Variants in FBXL17 observed in about 807,000 individuals in gnomAD.
FBXL17 encodes F-box and leucine rich repeat protein 17, also known as F-box/LRR-repeat protein 17.
FBXL17 carries 22 observed loss-of-function variants against 66.2 expected under a neutral mutation model. The observed-to-expected ratio is 0.33, with a 90% CI of 0.24 to 0.47. The LOEUF is 0.47. Among genes scored for constraint, FBXL17 ranks in the 20% least tolerant of loss-of-function variants. FBXL17 has a pLI of 1.00. For missense variants in FBXL17, 878 were observed against 948.2 expected, an observed-to-expected ratio of 0.93 and a Z score of 0.97; for synonymous variants, 474 against 400.5, an observed-to-expected ratio of 1.18 and a Z score of -2.19.
intron 3 of FBXL17, among the ~76,000 whole-genome samples, chr5:108,363,884 C>A (rs1484885303): frequency 2.0e-5 from 3 of 151,842 alleles, no homozygotes; most frequent in African/African-American, 7.2e-5. Context: ...ATATATATTT[C>A]TTCATAAAAG....
intron 4 of FBXL17, among the ~76,000 whole-genome samples, chr5:108,290,998 C>A (rs778648368): frequency 6.6e-6 from 1 of 152,096 alleles, no homozygotes; most frequent in African/African-American, 2.4e-5. Context: ...GAAGTTCATA[C>A]CACATATGCA....
intron 7 of FBXL17, among the ~76,000 whole-genome samples, chr5:107,994,548 A>G (rs1195956373): frequency 6.6e-6 from 1 of 152,132 alleles, no homozygotes; most frequent in Non-Finnish European, 1.5e-5. Flanking sequence ...ATACTATCAA[A>G]CCTATACAAG....
At chr5:108,133,745 C>A (rs1204303829) in intron 6 of FBXL17, among the ~76,000 whole-genome samples, 4 of 152,110 alleles carry the variant, frequency 2.6e-5, no homozygotes, top group Non-Finnish European at 5.9e-5. Flanking sequence ...GCTTTGGAGT[C>A]AAATATCTCA....
At chr5:108,266,607 G>A (rs1424718373) in intron 4 of FBXL17, among the ~76,000 whole-genome samples, 1 of 152,180 alleles carries the variant, frequency 6.6e-6, no homozygotes, top group South Asian at 2.1e-4. Context: ...AAGCCATAAC[G>A]TGCTTCCTTT....
At chr5:107,876,144 C>T (rs1239152092) in intron 8 of FBXL17, among the ~76,000 whole-genome samples, 1 of 152,224 alleles carries the variant, frequency 6.6e-6, no homozygotes, top group Non-Finnish European at 1.5e-5. Context: ...GAAGGGTAGC[C>T]ATCTGCTCCG....
chr5:108,217,067 T>C (rs1754635245), intron 5 of FBXL17, among the ~76,000 whole-genome samples: 1 of 152,092 alleles, frequency 6.6e-6, no homozygotes, highest in Non-Finnish European at 1.5e-5. Flanking sequence ...CTATGAATCA[T>C]CACCTCAGCC....
intron 7 of FBXL17, among the ~76,000 whole-genome samples, chr5:107,983,759 C>G (rs1209945467): frequency 6.6e-6 from 1 of 152,062 alleles, no homozygotes; most frequent in Non-Finnish European, 1.5e-5. Context: ...TTGCTGTATT[C>G]CCCAAATTAT....
At chr5:108,109,155 A>G (rs976682210) in intron 6 of FBXL17, among the ~76,000 whole-genome samples, 1 of 152,194 alleles carries the variant, frequency 6.6e-6, no homozygotes, top group Admixed American at 6.5e-5. Flanking sequence ...GAGATTTACA[A>G]AAGGAAGGAC....
At chr5:107,960,716 A>C (rs540121085) in intron 7 of FBXL17, among the ~76,000 whole-genome samples, 1 of 152,322 alleles carries the variant, frequency 6.6e-6, no homozygotes, top group South Asian at 2.1e-4. Flanking sequence ...CCAGCAATCC[A>C]TTGTTCTTGG....
At chr5:108,279,778 G>A (rs1413580215) in intron 4 of FBXL17, among the ~76,000 whole-genome samples, 1 of 151,106 alleles carries the variant, frequency 6.6e-6, no homozygotes, top group East Asian at 1.9e-4. Context: ...TATCTTTGGG[G>A]GAAAAAAGCA....
chr5:107,973,354 A>ATTTTTTTTTTTTTTTTTTTT (rs200079422), intron 7 of FBXL17, among the ~76,000 whole-genome samples: 5 of 120,436 alleles, frequency 4.2e-5, no homozygotes, highest in Admixed American at 8.3e-5. Context: ...TTTTTTTGTA[A>ATTTTTTTTTTTTTTTTTTTT]TTTTTTTTTT....
intron 6 of FBXL17, among the ~76,000 whole-genome samples, chr5:108,037,119 CAT>C (rs33962281): frequency 0.018 from 2,686 of 152,132 alleles, 91 homozygotes; most frequent in African/African-American, 0.061. Context: ...TCTCAGTAAA[CAT>C]ATCTCCTATG....
rs144335540 is a variant in FBXL17 at position 107,975,782 on chromosome 5, TA to T, written c.1822+45142del. Reference sequence around the variant, plus strand: ...AAAGAAAAAAAGGATGCATGGAATCTAAACCAATCTACATGTAAATTTGACA... The same window carrying T: ...AAAGAAAAAAAGGATGCATGGAATCTAACCAATCTACATGTAAATTTGACA... On this transcript the variant is annotated intron_variant, in intron 7 of 8. Coordinates refer to ENST00000542267, the MANE Select transcript of FBXL17 (RefSeq NM_001163315.3). 6.1e-3 allele frequency among the ~76,000 whole-genome samples: 917 copies of T among 151,516 alleles called. 27 individuals carry two copies. In the East Asian group the frequency reaches 0.1, roughly 17 times the overall value.
intron 6 of FBXL17, among the ~76,000 whole-genome samples, chr5:108,158,498 T>C (rs1296355668): frequency 8.9e-6 from 1 of 111,780 alleles, no homozygotes; most frequent in Non-Finnish European, 1.9e-5. Flanking sequence ...GTGGGGCGTG[T>C]GTGTGTGTGT....
At chr5:108,131,599 A>C (rs1485016099) in intron 6 of FBXL17, among the ~76,000 whole-genome samples, 1 of 152,202 alleles carries the variant, frequency 6.6e-6, no homozygotes, top group East Asian at 1.9e-4. Context: ...GTATTCCCTT[A>C]TATTCTCAGA....
chr5:108,291,349 A>C (rs1199641757), intron 4 of FBXL17, among the ~76,000 whole-genome samples: 3 of 152,248 alleles, frequency 2.0e-5, no homozygotes, highest in African/African-American at 7.2e-5. Flanking sequence ...GTAAGTATTC[A>C]GAACAGCCAG....
intron 4 of FBXL17, among the ~76,000 whole-genome samples, chr5:108,259,433 G>C (rs1174489046): frequency 6.6e-6 from 1 of 152,178 alleles, no homozygotes; most frequent in Non-Finnish European, 1.5e-5. Flanking sequence ...TAGCTGTAGT[G>C]AGGCAGACAG....
At chr5:108,038,017 G>T (rs1746910701) in intron 6 of FBXL17, among the ~76,000 whole-genome samples, 1 of 152,080 alleles carries the variant, frequency 6.6e-6, no homozygotes, top group African/African-American at 2.4e-5. Context: ...ACCATAAGAA[G>T]ATGATTAGCT....
intron 6 of FBXL17, among the ~76,000 whole-genome samples, chr5:108,151,440 C>T (rs535642434): frequency 1.3e-5 from 2 of 152,248 alleles, no homozygotes; most frequent in Admixed American, 6.5e-5. Flanking sequence ...GTCACATCTC[C>T]AGTGTTCTGT....
Sources: gnomAD v4.1 joint callset for allele counts (sites outside exome capture counted in the v4.1 genomes callset) on GRCh38, gnomAD v4.1.1 for gene constraint, MANE v1.5 for transcripts, NCBI Gene and HGNC (gene_info 2026-07-23, HGNC 2026-07-21) for gene names.